The following MRPS15 variants were observed in gnomAD, a reference collection of about 807,000 sequenced individuals.
MRPS15 encodes small ribosomal subunit protein uS15m.
A neutral mutation model predicts 30.7 loss-of-function variants in MRPS15; 25 were observed. That is an observed-to-expected ratio of 0.81 (90% CI 0.59 to 1.14). MRPS15 has a LOEUF of 1.14. Among genes scored for constraint, MRPS15 ranks in the 50% most tolerant of loss-of-function variants. MRPS15 has a pLI of 0.00. For missense variants in MRPS15, 313 were observed against 321.7 expected (o/e 0.97, Z 0.21); for synonymous variants, 124 against 120.1 (o/e 1.03, Z -0.21).
intron 5 of MRPS15, 42 bp downstream of exon 5, chr1:36,460,650 A>T: frequency 6.8e-7 from 1 of 1,463,194 alleles, no homozygotes; most frequent in Non-Finnish European, 9.6e-7. Flanking sequence ...CCCAGCTAGC[A>T]GGCTTCCCTA....
In MRPS15 at chr1:36,461,953, A is replaced by G. The variant is rs1016305448; in HGVS notation, c.251+135T>C. The G allele has an allele frequency of 2.2e-5, 15 of 692,372 alleles. No individual in the cohort carries two copies. The Admixed American group carries it at 2.2e-4, about 10-fold the overall frequency. 42.9% of individuals were successfully genotyped at this position (692,372 alleles called of 1,614,324 possible). ...GACCACCCACCCTCACCACACCTGG[A>G]CACCTGGGCCCCTGCCTCCTTCTAG... On this transcript the variant is annotated intron_variant, in intron 3 of 7. Transcript: ENST00000373116.
At chr1:36,463,065 C>T (rs1487202032) in intron 2 of MRPS15, among the ~76,000 whole-genome samples, 5 of 152,254 alleles carry the variant, frequency 3.3e-5, no homozygotes, top group African/African-American at 4.8e-5. Flanking sequence ...CAGGTTCAAG[C>T]GATTCTCCTG....
Position 36,458,237 on chromosome 1 carries a change from TC to T in MRPS15, c.386-257del. ...ATCCAAAAATCATAGCAAATAGCATTCTTTTTTTTGAGACGGAGTCTCGCTC... is the reference window on the plus strand; with the variant it reads ...ATCCAAAAATCATAGCAAATAGCATTTTTTTTTTGAGACGGAGTCTCGCTC... On this transcript the variant is annotated intron_variant, in intron 5 of 7. Transcript: ENST00000373116. This position sits in a 1 kb window ranked among gnomAD's most constrained non-coding sequence, Gnocchi z 4.5. 1 of 422,052 alleles carries T rather than the reference TC, an allele frequency of 2.4e-6. No homozygotes were observed. Among genetic ancestry groups the T allele is most frequent in the Non-Finnish European group, 4.3e-6 (1 of 234,026 alleles). The allele number at this position is 422,052 out of a possible 1,614,324, so 26.1% of individuals were successfully genotyped here. A position where few individuals can be genotyped will look rare whatever the true frequency, so the allele number is the denominator to read the frequency against.
intron 6 of MRPS15, 74 bp downstream of exon 6, chr1:36,457,849 C>T (rs964732048): frequency 6.9e-7 from 1 of 1,444,090 alleles, no homozygotes; most frequent in African/African-American, 1.4e-5. Flanking sequence ...TTCTCTGGAC[C>T]CAGAGCCCTT....
intron 5 of MRPS15, among the ~76,000 whole-genome samples, chr1:36,460,341 A>T (rs79213707): frequency 2.0e-4 from 30 of 152,244 alleles, no homozygotes; most frequent in Non-Finnish European, 3.4e-4. Context: ...CGTGAGCTTT[A>T]GTTTCCAAGG....
chr1:36,464,076 GC>G, intron 1 of MRPS15, 69 bp downstream of exon 1: 2 of 1,581,126 alleles, frequency 1.3e-6, no homozygotes, highest in Non-Finnish European at 1.7e-6. Flanking sequence ...CTACTCCTGT[GC>G]TTCCTTATTC....
intron 1 of MRPS15, 42 bp from the exon 2 acceptor site, chr1:36,463,892 G>C (rs1172664324): frequency 3.8e-6 from 6 of 1,594,252 alleles, no homozygotes; most frequent in South Asian, 1.1e-5. Flanking sequence ...TCCTTAAATA[G>C]CCCACCCCTC....
At chr1:36,460,837 C>T (rs1300841042) in intron 4 of MRPS15, 61 bp from the exon 5 acceptor site, 4 of 1,417,130 alleles carry the variant, frequency 2.8e-6, no homozygotes, top group Non-Finnish European at 3.0e-6. Flanking sequence ...AACTAGCCCT[C>T]CTCCCCCCAA....
At position 36,464,270 on chromosome 1, in the gene MRPS15, C is replaced by G; in HGVS notation, c.6G>C (p.Leu2=). 3.1e-6 allele frequency: 5 copies of G among 1,613,660 alleles called. No homozygotes were observed. The highest frequency in any genetic ancestry group is 4.2e-6 in the Non-Finnish European group (5 of 1,179,776). The change falls in exon 1 of 8, where the codon CTG becomes CTC. Residue 2 remains leucine, a synonymous_variant. Coordinates refer to ENST00000373116, the MANE Select transcript of MRPS15 (RefSeq NM_031280.4). M[L]RVAWRTLSLI... ...AACTCAGCGTCCTCCACGCGACCCT[C>G]AGCATGGTGACCTCTAACCCCCGCG...
intron 6 of MRPS15, 85 bp downstream of exon 6, chr1:36,457,838 C>CT (rs1557580048): frequency 7.4e-7 from 1 of 1,355,392 alleles, no homozygotes; most frequent in Non-Finnish European, 1.1e-6. Context: ...TCTAAGCCTC[C>CT]TTCTCTGGAC....
At chr1:36,463,777 G>A (rs111339605) in intron 2 of MRPS15, 29 bp downstream of exon 2, 2 of 1,601,380 alleles carry the variant, frequency 1.2e-6, no homozygotes, top group African/African-American at 2.7e-5. Flanking sequence ...TCTCTCTTCC[G>A]CCCCAAGTCC....
chr1:36,463,784 G>T (rs200646778), intron 2 of MRPS15, 22 bp downstream of exon 2: 181 of 1,607,912 alleles, frequency 1.1e-4, no homozygotes, highest in Admixed American at 3.4e-4. Flanking sequence ...TCCGCCCCAA[G>T]TCCCACCTTA....
In MRPS15 at chr1:36,455,909, T is replaced by C. The variant is rs1300143381; in HGVS notation, c.653A>G (p.Gln218Arg). The C allele has an allele frequency of 1.2e-6, 2 of 1,613,406 alleles. No homozygotes were observed. Among genetic ancestry groups the C allele is most frequent in the Non-Finnish European group, 1.7e-6 (2 of 1,179,860 alleles). Residue 218 changes from glutamine to arginine, a missense_variant, in exon 8 of 8, where the codon CAA (glutamine) becomes CGA (arginine). Coordinates refer to ENST00000373116, the MANE Select transcript of MRPS15 (RefSeq NM_031280.4). ...GGCTCTTCTTCGCTTCTTCAGCTTTTGAGTCTCCTGGAAAACCTGGGGATG... is the reference window on the plus strand; with the variant it reads ...GGCTCTTCTTCGCTTCTTCAGCTTTCGAGTCTCCTGGAAAACCTGGGGATG... ...ALCIRVFQET[Q>R]KLKKRRRALK...
At chr1:36,456,694 T>G in intron 6 of MRPS15, 1 of 200,960 alleles carries the variant, frequency 5.0e-6, no homozygotes, top group Non-Finnish European at 1.0e-5. Flanking sequence ...CTCCATAGCT[T>G]AGCAAACTGT....
At chr1:36,456,584 G>C in intron 6 of MRPS15, 1 of 548,784 alleles carries the variant, frequency 1.8e-6, no homozygotes, top group Non-Finnish European at 3.1e-6. Context: ...ATTCACAAAA[G>C]GTCTTTAGAA....
intron 3 of MRPS15, 124 bp from the exon 4 acceptor site, chr1:36,461,436 C>A: frequency 1.1e-6 from 1 of 909,148 alleles, no homozygotes; most frequent in Non-Finnish European, 1.7e-6. Context: ...ATGAATCTCC[C>A]TGGAGGTGGG....
intron 3 of MRPS15, among the ~76,000 whole-genome samples, 194 bp downstream of exon 3, chr1:36,461,894 G>A (rs1650106952): frequency 6.6e-6 from 1 of 152,086 alleles, no homozygotes; most frequent in Admixed American, 6.5e-5. Flanking sequence ...AAACCCCCAA[G>A]TAGCCGAGCT....
In MRPS15 at chr1:36,463,853, A is replaced by G; in HGVS notation, c.131-3T>C. On this transcript the variant is annotated splice_region_variant and splice_polypyrimidine_tract_variant and intron_variant, in intron 1 of 7. Coordinates refer to ENST00000373116, the MANE Select transcript of MRPS15 (RefSeq NM_031280.4). The stretch of plus-strand genomic sequence containing the variant: ...GCGCGCGGCCTGGAGGAGGAGACCT[A>G]CGCAGAAAAGAGAGGGCTGAGGACC... 6.2e-7 allele frequency: 1 copy of G among 1,612,156 alleles called. No homozygotes were observed. The highest frequency in any genetic ancestry group is 1.3e-5 in the African/African-American group (1 of 74,898).
intron 7 of MRPS15, 112 bp from the exon 8 acceptor site, chr1:36,456,037 A>G (rs886159918): frequency 4.0e-6 from 6 of 1,494,150 alleles, no homozygotes; most frequent in Admixed American, 2.2e-5. Context: ...GCCTTTCTCC[A>G]TGGGGTTGGT....
Sources: gnomAD v4.1 joint callset for allele counts (sites outside exome capture counted in the v4.1 genomes callset) on GRCh38, gnomAD v4.1.1 for gene constraint, Gnocchi (gnomAD v3.1) non-coding constraint, MANE v1.5 for transcripts, NCBI Gene and HGNC (gene_info 2026-07-23, HGNC 2026-07-21) for gene names.